ADGRL2: variants seen among roughly 807,000 people sequenced by gnomAD.
The protein encoded by ADGRL2 is calcium-independent alpha-latrotoxin receptor 2.
ADGRL2 carries 44 observed loss-of-function variants against 157.4 expected under a neutral mutation model. That is an observed-to-expected ratio of 0.28 (90% CI 0.22 to 0.36). The LOEUF is 0.36. ADGRL2 is among the 10% of genes least tolerant of loss of function. The pLI is 1.00. For synonymous variants in ADGRL2, 585 were observed against 624.7 expected (o/e 0.94, Z 0.95); for missense variants, 1,510 against 1,768.9 (o/e 0.85, Z 2.63).
At chr1:81,930,262 C>A (rs1037341815) in intron 3 of ADGRL2, among the ~76,000 whole-genome samples, 4 of 152,088 alleles carry the variant, frequency 2.6e-5, no homozygotes, top group Non-Finnish European at 5.9e-5. Flanking sequence ...TAATGAGGCA[C>A]TATGTCTCAA....
rs188918110 is a variant in ADGRL2 at position 81,722,599 on chromosome 1, G to C, written c.-143+22791G>C. On this transcript the variant is annotated intron_variant, in intron 1 of 20. Coordinates refer to the ADGRL2 transcript ENST00000359929. ...ACGCCTAGGCCACTGGGAAGATGTAGCCCATGATCTTGCCCTTGCCTGTAA... is the reference window on the plus strand; with the variant it reads ...ACGCCTAGGCCACTGGGAAGATGTACCCCATGATCTTGCCCTTGCCTGTAA... 1.2e-4 allele frequency: 175 copies of C among 1,449,014 alleles called. No homozygotes were observed. In the East Asian group the frequency reaches 3.8e-3, roughly 32 times the overall value. The allele number at this position is 1,449,014 out of a possible 1,614,324, so 89.8% of individuals were successfully genotyped here. A position where few individuals can be genotyped will look rare whatever the true frequency, so the allele number is the denominator to read the frequency against.
chr1:81,962,027 G>A (rs1213757366), intron 11 of ADGRL2, among the ~76,000 whole-genome samples: 1 of 151,942 alleles, frequency 6.6e-6, no homozygotes, highest in Non-Finnish European at 1.5e-5. Flanking sequence ...ACATACATGC[G>A]CACATACCTG....
At chr1:81,358,962 G>A (rs78880981) in intron 1 of ADGRL2, among the ~76,000 whole-genome samples, 2,003 of 152,122 alleles carry the variant, frequency 0.013, 20 homozygotes, top group Non-Finnish European at 0.021. Flanking sequence ...GTTAATTAGA[G>A]GAAGAGGACA....
intron 3 of ADGRL2, among the ~76,000 whole-genome samples, chr1:81,680,588 G>C (rs1036499239): frequency 2.0e-5 from 3 of 151,890 alleles, no homozygotes; most frequent in Non-Finnish European, 4.4e-5. Context: ...AAATCAGATG[G>C]GGTAATGAAA....
intron 1 of ADGRL2, among the ~76,000 whole-genome samples, chr1:81,736,398 G>T (rs560347043): frequency 6.6e-6 from 1 of 152,040 alleles, no homozygotes; most frequent in South Asian, 2.1e-4. Flanking sequence ...GCATCATCCC[G>T]TATCTTTCTC....
At chr1:81,894,723 G>GT (rs11285689) in intron 2 of ADGRL2, among the ~76,000 whole-genome samples, 31 of 149,286 alleles carry the variant, frequency 2.1e-4, no homozygotes, top group African/African-American at 2.2e-4. Flanking sequence ...ATTTCAATAT[G>GT]TTTTTTTTTT....
intron 2 of ADGRL2, among the ~76,000 whole-genome samples, chr1:81,539,733 C>T (rs2079837094): frequency 6.6e-6 from 1 of 151,778 alleles, no homozygotes; most frequent in Non-Finnish European, 1.5e-5. Context: ...TCAATTTCTA[C>T]GATTTCCATT....
intron 1 of ADGRL2, among the ~76,000 whole-genome samples, chr1:81,803,190 G>A (rs17426248): frequency 0.015 from 2,267 of 152,154 alleles, 30 homozygotes; most frequent in Non-Finnish European, 0.024. Flanking sequence ...GAGCGCGAGG[G>A]AAGGGGAGAC....
chr1:81,562,560 T>G (rs2080466950), intron 2 of ADGRL2, among the ~76,000 whole-genome samples: 1 of 152,178 alleles, frequency 6.6e-6, no homozygotes, highest in Admixed American at 6.5e-5. Context: ...AGAAATTGTA[T>G]AGCCTCAGCT....
chr1:81,423,418 T>C (rs2077160053), intron 1 of ADGRL2, among the ~76,000 whole-genome samples: 1 of 152,140 alleles, frequency 6.6e-6, no homozygotes, highest in Non-Finnish European at 1.5e-5. Flanking sequence ...TTCAATGCTG[T>C]CTTGTCATTG....
At chr1:81,798,716 CAGAT>C (rs1212774849), upstream of ADGRL2, among the ~76,000 whole-genome samples, 1 of 152,174 alleles carries the variant, frequency 6.6e-6, no homozygotes, top group Non-Finnish European at 1.5e-5. Context: ...ATATATCATG[CAGAT>C]AGATAATGGG....
At chr1:81,623,268 A>G (rs986611909) in intron 3 of ADGRL2, among the ~76,000 whole-genome samples, 16 of 152,222 alleles carry the variant, frequency 1.1e-4, no homozygotes, top group Non-Finnish European at 2.4e-4. Context: ...ACATTGACAG[A>G]TATTTCAAAG....
intron 1 of ADGRL2, among the ~76,000 whole-genome samples, chr1:81,370,713 C>T (rs911367177): frequency 1.3e-5 from 2 of 152,024 alleles, no homozygotes; most frequent in African/African-American, 2.4e-5. Context: ...TTGAATGACT[C>T]GAGTCCTTTT....
At chr1:81,843,022 A>T (rs2092655349) in intron 2 of ADGRL2, among the ~76,000 whole-genome samples, 1 of 152,200 alleles carries the variant, frequency 6.6e-6, no homozygotes, top group Non-Finnish European at 1.5e-5. Context: ...CTCCCATTAA[A>T]TTAATAGGAA....
At chr1:81,942,839 A>C in intron 5 of ADGRL2, 130 bp from the exon 6 acceptor site, 1 of 732,924 alleles carries the variant, frequency 1.4e-6, no homozygotes, top group Admixed American at 2.0e-5. Context: ...ATTTGTATGA[A>C]GTATACATTT....
Position 81,943,367 on chromosome 1 carries a change from C to G in ADGRL2, c.808C>G (p.Leu270Val). ...YRWGGKTDID[L>V]AVDENGLWVI... is the part of the protein sequence containing the mutation. ...ATGGGGAGGAAAGACTGATATCGAC[C>G]TAGCAGTTGATGAAAATGGTTTATG... The change falls in exon 6 of 24, where the codon CTA becomes GTA. Residue 270 changes from leucine to valine, a missense_variant. Leu to Val is a conservative substitution (Grantham distance 32). This residue lies in a region of ADGRL2 where 361 missense variants were observed against 498.4 expected (regional missense o/e 0.72). Transcript: ENST00000686636. The surrounding 1 kb of genome is among the most constrained non-coding windows in gnomAD (Gnocchi z 5.6). 6.2e-7 allele frequency: 1 copy of G among 1,613,672 alleles called. No homozygotes were observed. The highest frequency in any genetic ancestry group is 8.5e-7 in the Non-Finnish European group (1 of 1,179,750).
At chr1:81,602,884 C>A (rs970149746) in intron 3 of ADGRL2, among the ~76,000 whole-genome samples, 1 of 135,092 alleles carries the variant, frequency 7.4e-6, no homozygotes, top group African/African-American at 2.8e-5. Context: ...GGCAACAGAG[C>A]GAGACTCTGT....
At chr1:81,376,828 G>T (rs1051502960) in intron 1 of ADGRL2, among the ~76,000 whole-genome samples, 2 of 152,122 alleles carry the variant, frequency 1.3e-5, no homozygotes, top group African/African-American at 2.4e-5. Context: ...TTCAGGCAGG[G>T]TTTGCCAACA....
At position 81,688,911 on chromosome 1, in the gene ADGRL2, G is replaced by C. The variant is rs984129762; in HGVS notation, c.-142-72900G>C. 9.2e-5 allele frequency among the ~76,000 whole-genome samples: 14 copies of C among 152,222 alleles called. No homozygotes were observed. The South Asian group carries it at 1.7e-3, about 18-fold the overall frequency. On this transcript the variant is annotated intron_variant, in intron 3 of 24. Coordinates refer to the ADGRL2 transcript ENST00000370721. ...TTTTCCTATGGATGTGGCTTGCTGTGAGCCAAACTGCAGTGACTGTTGTCT... is the reference window on the plus strand; with the variant it reads ...TTTTCCTATGGATGTGGCTTGCTGTCAGCCAAACTGCAGTGACTGTTGTCT...
Sources: gnomAD v4.1 joint callset for allele counts (sites outside exome capture counted in the v4.1 genomes callset) on GRCh38, gnomAD v4.1.1 for gene constraint, gnomAD v4.1.1 regional missense constraint, Gnocchi (gnomAD v3.1) non-coding constraint, MANE v1.5 for transcripts, NCBI Gene and HGNC (gene_info 2026-07-23, HGNC 2026-07-21) for gene names.